DPH6: variants seen among roughly 807,000 people sequenced by gnomAD.
DPH6 encodes the protein diphthine--ammonia ligase.
In DPH6, 33 loss-of-function variants were observed where a neutral mutation model predicts 38.2. The observed-to-expected ratio is 0.86, with a 90% confidence interval of 0.65 to 1.15. The LOEUF (loss-of-function observed/expected upper bound fraction) is 1.15, where lower values mean the gene tolerates loss of function less well. Among genes scored for constraint, DPH6 ranks in the 50% most tolerant of loss-of-function variants. The pLI is 0.00. For missense variants in DPH6, 325 were observed against 320.0 expected, an observed-to-expected ratio of 1.02 and a Z score of -0.12; for synonymous variants, 108 against 103.0, an observed-to-expected ratio of 1.05 and a Z score of -0.30.
Position 35,450,730 on chromosome 15 carries a change from T to C in DPH6, c.460A>G (p.Ile154Val). The C allele has an allele frequency of 1.9e-6, 3 of 1,613,310 alleles. No homozygotes were observed. Among genetic ancestry groups the C allele is most frequent in the Non-Finnish European group, 2.5e-6 (3 of 1,179,660 alleles). ...RNQEDLLREM[I>V]SSNIQAMIIK... is the part of the protein sequence containing the mutation. ...ATCATTGCTTGAATGTTAGATGATA[T>C]CATCTCTCTGAGCAAATCTTCCTGG... is the stretch of plus-strand genomic sequence containing the variant. Residue 154 changes from isoleucine (I) to valine (V), a missense_variant, in exon 5 of 9, where the codon ATA becomes GTA. Coordinates refer to ENST00000256538, the MANE Select transcript of DPH6 (RefSeq NM_080650.4).
chr15:35,445,412 A>C (rs80092593), intron 5 of DPH6, among the ~76,000 whole-genome samples: 2 of 150,916 alleles, frequency 1.3e-5, no homozygotes, highest in Non-Finnish European at 3.0e-5. Context: ...AAAAAAAAAA[A>C]AGAGATCTGA....
At chr15:35,154,325 AAAAT>A in the DPH6 span, among the ~76,000 whole-genome samples, 42,284 of 151,694 alleles carry the variant, frequency 0.28, 6,108 homozygotes, top group East Asian at 0.36. Context: ...AATTAAAAAT[AAAAT>A]AAATAAATAA....
intron 3 of DPH6, chr15:35,521,748 C>A: frequency 8.1e-7 from 1 of 1,232,276 alleles, no homozygotes; most frequent in Non-Finnish European, 1.0e-6. Context: ...TGATTGTGAG[C>A]AATAGCTGCT....
chr15:35,273,998 A>G (rs537246419), intron 3 of DPH6, among the ~76,000 whole-genome samples: 226 of 152,354 alleles, frequency 1.5e-3, no homozygotes, highest in Non-Finnish European at 2.8e-3. Flanking sequence ...CCTGACTTCA[A>G]ACTATACTAT....
At chr15:35,212,405 T>C (rs2051393312), downstream of DPH6, among the ~76,000 whole-genome samples, 1 of 152,202 alleles carries the variant, frequency 6.6e-6, no homozygotes, top group Non-Finnish European at 1.5e-5. Flanking sequence ...TATGGGTCTA[T>C]GCTCTGCAGC....
chr15:35,192,556 C>T, the DPH6 span, among the ~76,000 whole-genome samples: 23 of 152,280 alleles, frequency 1.5e-4, 1 homozygote, highest in African/African-American at 4.6e-4. Flanking sequence ...TCAGTAACCA[C>T]ATCCTTCTTG....
At chr15:35,250,633 C>T (rs1252512092) in intron 3 of DPH6, among the ~76,000 whole-genome samples, 1 of 151,378 alleles carries the variant, frequency 6.6e-6, no homozygotes, top group African/African-American at 2.4e-5. Flanking sequence ...GTATTATATA[C>T]CCAAACCATT....
chr15:35,396,710 A>G (rs2053138555), intron 6 of DPH6, among the ~76,000 whole-genome samples: 1 of 152,170 alleles, frequency 6.6e-6, no homozygotes. Flanking sequence ...GGATGTCTCA[A>G]TCATAAAGTT....
intron 5 of DPH6, among the ~76,000 whole-genome samples, chr15:35,426,534 G>T (rs2053572342): frequency 6.6e-6 from 1 of 151,696 alleles, no homozygotes; most frequent in Non-Finnish European, 1.5e-5. Context: ...ATTGGGGCAG[G>T]TATGAAAGAG....
intron 3 of DPH6, among the ~76,000 whole-genome samples, chr15:35,347,618 T>C (rs2052474049): frequency 6.6e-6 from 1 of 152,188 alleles, no homozygotes; most frequent in East Asian, 1.9e-4. Context: ...CTCTTCAATA[T>C]CTTATTTCAA....
intron 3 of DPH6, among the ~76,000 whole-genome samples, chr15:35,286,469 C>T (rs2051944613): frequency 1.3e-5 from 2 of 152,232 alleles, no homozygotes; most frequent in Admixed American, 6.5e-5. Flanking sequence ...TCTTGCACAG[C>T]ATCCTTCAAA....
At chr15:35,355,259 C>T (rs958862501) in intron 3 of DPH6, among the ~76,000 whole-genome samples, 2 of 152,066 alleles carry the variant, frequency 1.3e-5, no homozygotes, top group South Asian at 4.2e-4. Flanking sequence ...TCTGTGTCTT[C>T]TAATTGGAGC....
intron 3 of DPH6, among the ~76,000 whole-genome samples, chr15:35,318,470 C>T (rs952545573): frequency 1.3e-5 from 2 of 151,988 alleles, no homozygotes; most frequent in African/African-American, 4.8e-5. Flanking sequence ...ACTTAATTGG[C>T]ATATATATAA....
intron 5 of DPH6, among the ~76,000 whole-genome samples, chr15:35,422,501 G>GT (rs1441218533): frequency 2.6e-5 from 4 of 151,880 alleles, no homozygotes; most frequent in Non-Finnish European, 5.9e-5. Flanking sequence ...TGCAAACACT[G>GT]TAAAATATTC....
intron 6 of DPH6, among the ~76,000 whole-genome samples, chr15:35,390,282 C>G (rs2140956468): frequency 6.6e-6 from 1 of 152,228 alleles, no homozygotes; most frequent in East Asian, 1.9e-4. Flanking sequence ...ACATTTTTTC[C>G]TTCATTTCAA....
chr15:35,148,175 T>C, the DPH6 span, among the ~76,000 whole-genome samples: 4 of 152,346 alleles, frequency 2.6e-5, no homozygotes, highest in East Asian at 7.7e-4. Context: ...CAGGAAAATT[T>C]AATTGTTAAA....
chr15:35,410,085 A>T (rs1180806498), intron 6 of DPH6, among the ~76,000 whole-genome samples: 1 of 151,886 alleles, frequency 6.6e-6, no homozygotes, highest in Non-Finnish European at 1.5e-5. Flanking sequence ...CAGTGGTATT[A>T]ACAAAGCCTA....
At chr15:35,256,723 C>T (rs1566852062) in intron 3 of DPH6, among the ~76,000 whole-genome samples, 2 of 152,086 alleles carry the variant, frequency 1.3e-5, no homozygotes, top group East Asian at 3.9e-4. Context: ...ACGAGGGATC[C>T]ATTTACAAGA....
At chr15:35,453,250 T>A (rs948831439) in intron 4 of DPH6, among the ~76,000 whole-genome samples, 1 of 152,136 alleles carries the variant, frequency 6.6e-6, no homozygotes, top group Non-Finnish European at 1.5e-5. Flanking sequence ...TTTGAGAAAG[T>A]CTCTACCCAT....
Sources: gnomAD v4.1 joint callset for allele counts (sites outside exome capture counted in the v4.1 genomes callset) on GRCh38, gnomAD v4.1.1 for gene constraint, MANE v1.5 for transcripts, NCBI Gene and HGNC (gene_info 2026-07-23, HGNC 2026-07-21) for gene names.